Variants in CHD1 observed in about 807,000 individuals in gnomAD.
CHD1 encodes the protein ATP-dependent chromatin remodeler CHD1.
A neutral mutation model predicts 224.2 loss-of-function variants in CHD1; 36 were observed. The observed-to-expected ratio is 0.16, with a 90% CI of 0.12 to 0.21. The LOEUF (loss-of-function observed/expected upper bound fraction) is 0.21, where lower values mean the gene tolerates loss of function less well. CHD1 is among the 10% of genes least tolerant of loss of function. CHD1 has a pLI of 1.00. For missense variants in CHD1, 1,378 were observed against 1,994.8 expected (o/e 0.69, Z 5.89); for synonymous variants, 668 against 658.3 (o/e 1.01, Z -0.23).
intron 7 of CHD1, among the ~76,000 whole-genome samples, chr5:98,899,944 A>T (rs1007747461): frequency 6.6e-6 from 1 of 152,150 alleles, no homozygotes; most frequent in Non-Finnish European, 1.5e-5. Flanking sequence ...GATCCACCTG[A>T]GATCCCACAG....
intron 17 of CHD1, among the ~76,000 whole-genome samples, chr5:98,887,607 G>T (rs897173694): frequency 6.6e-6 from 1 of 152,090 alleles, no homozygotes; most frequent in Non-Finnish European, 1.5e-5. Context: ...TGAATAGATG[G>T]AAGGGAATTT....
rs1205508670 is a variant in CHD1 at position 98,858,233 on chromosome 5, A to G, written c.4734T>C (p.Ser1578=). 1 of 1,613,300 alleles carries G rather than the reference A, an allele frequency of 6.2e-7. No homozygotes were observed. Residue 1578 remains serine, a synonymous_variant, in exon 35 of 36, where the codon TCT becomes TCC. Transcript: ENST00000614616. ...KSDSRKRPYS[S]FSNGKDHRDW... ...CACGATGGTCTTTACCATTACTAAA[A>G]GAAGAATAGGGTCTTTTCCTGGAAT...
chr5:98,887,977 G>C (rs1163198801), intron 17 of CHD1, 111 bp downstream of exon 17: 1 of 606,058 alleles, frequency 1.7e-6, no homozygotes, highest in Non-Finnish European at 2.5e-6. Flanking sequence ...TAAAGAAAAA[G>C]TACAGTTTAT....
intron 2 of CHD1, among the ~76,000 whole-genome samples, chr5:98,923,909 T>C (rs73153598): frequency 0.016 from 2,486 of 152,326 alleles, 73 homozygotes; most frequent in African/African-American, 0.057. Context: ...GTTTGGTTCC[T>C]TTGTTTCCTC....
intron 2 of CHD1, among the ~76,000 whole-genome samples, chr5:98,914,806 T>C (rs1752635601): frequency 2.6e-5 from 4 of 152,238 alleles, no homozygotes; most frequent in Admixed American, 1.3e-4. Flanking sequence ...CACAGATCAT[T>C]GCCCTAGCTC....
intron 2 of CHD1, among the ~76,000 whole-genome samples, chr5:98,916,212 G>A (rs1033192030): frequency 2.6e-5 from 4 of 151,640 alleles, no homozygotes; most frequent in Admixed American, 6.6e-5. Context: ...ATAAATAAAA[G>A]TTCAATTTTA....
intron 2 of CHD1, among the ~76,000 whole-genome samples, chr5:98,911,007 G>A (rs1396990038): frequency 6.6e-6 from 1 of 150,772 alleles, no homozygotes; most frequent in South Asian, 2.1e-4. Context: ...CTAGCACCTA[G>A]ATCCTGACTT....
At chr5:98,860,882 C>T (rs571718087) in intron 32 of CHD1, among the ~76,000 whole-genome samples, 1 of 152,264 alleles carries the variant, frequency 6.6e-6, no homozygotes, top group Non-Finnish European at 1.5e-5. Flanking sequence ...GAAAATTCAT[C>T]TAGCCTTTAT....
intron 26 of CHD1, among the ~76,000 whole-genome samples, chr5:98,873,173 CA>C (rs1254112789): frequency 6.6e-6 from 1 of 152,004 alleles, no homozygotes. Flanking sequence ...GGTAAATGAA[CA>C]GCAAAATAAG....
At chr5:98,868,836 T>C in intron 30 of CHD1, 1 of 615,566 alleles carries the variant, frequency 1.6e-6, no homozygotes, top group Non-Finnish European at 2.5e-6. Flanking sequence ...AATGTTACTC[T>C]GAAGGTAAAG....
In CHD1 at chr5:98,881,072, C is replaced by G; in HGVS notation, c.3060+4G>C. 1.3e-6 allele frequency: 2 copies of G among 1,587,352 alleles called. No homozygotes were observed. The highest frequency in any genetic ancestry group is 1.7e-6 in the Non-Finnish European group (2 of 1,159,466). On this transcript the variant is annotated splice_donor_region_variant and intron_variant, in intron 22 of 35. Coordinates refer to ENST00000614616, the MANE Select transcript of CHD1 (RefSeq NM_001270.4). ...ATTACAAGGAAAATTTTGTTTAAAT[C>G]TACCTTGAACTGGGAAAGCAATTCA...
intron 2 of CHD1, 150 bp downstream of exon 2, chr5:98,926,184 G>T: frequency 2.0e-6 from 1 of 503,054 alleles, no homozygotes; most frequent in Non-Finnish European, 3.5e-6. Context: ...TCGTATATCA[G>T]AATTTTTTTA....
chr5:98,879,443 C>T, intron 23 of CHD1, 109 bp downstream of exon 23: 1 of 861,036 alleles, frequency 1.2e-6, no homozygotes, highest in Non-Finnish European at 1.7e-6. Flanking sequence ...CAAATCAAGG[C>T]CATTACAAGA....
chr5:98,869,395 A>G (rs778039046), intron 30 of CHD1: 16 of 342,024 alleles, frequency 4.7e-5, no homozygotes, highest in Non-Finnish European at 6.0e-5. Context: ...GAATCCCCCT[A>G]ATAATGATAC....
intron 2 of CHD1, among the ~76,000 whole-genome samples, chr5:98,913,343 A>AT (rs1752542282): frequency 6.6e-6 from 1 of 152,136 alleles, no homozygotes; most frequent in Non-Finnish European, 1.5e-5. Context: ...GGGAGGTGGC[A>AT]TATGCCTTCA....
At chr5:98,926,216 A>G in intron 2 of CHD1, 118 bp downstream of exon 2, 2 of 617,472 alleles carry the variant, frequency 3.2e-6, no homozygotes, top group South Asian at 4.4e-5. Context: ...GCTAAGAGGA[A>G]AACCTGAAAA....
At chr5:98,918,776 A>C (rs758071165) in intron 2 of CHD1, among the ~76,000 whole-genome samples, 1 of 151,740 alleles carries the variant, frequency 6.6e-6, no homozygotes. Flanking sequence ...AAACAAAAAA[A>C]AAAACTTCCT....
At position 98,855,694 on chromosome 5, in the gene CHD1, T is replaced by A. The variant is rs1433759930; in HGVS notation, c.*686A>T. 1 of 149,712 alleles carries A rather than the reference T, an allele frequency of 6.7e-6. No individual in the cohort carries two copies. The highest frequency in any genetic ancestry group is 2.5e-5 in the African/African-American group (1 of 40,582). 9.3% of individuals were successfully genotyped at this position (149,712 alleles called of 1,614,324 possible). A position where few individuals can be genotyped will look rare whatever the true frequency, so the allele number is the denominator to read the frequency against. ...TTTTTTTTTTTTTAATAAGAAGGCCTGAGTTGGTAGGGAAAGGAACAGTCA... is the reference window on the plus strand; with the variant it reads ...TTTTTTTTTTTTTAATAAGAAGGCCAGAGTTGGTAGGGAAAGGAACAGTCA... On this transcript the variant is annotated 3_prime_UTR_variant, in exon 36 of 36. Coordinates refer to ENST00000614616, the MANE Select transcript of CHD1 (RefSeq NM_001270.4).
At chr5:98,896,502 T>C (rs1751351448) in intron 11 of CHD1, 60 bp from the exon 12 acceptor site, 3 of 1,141,112 alleles carry the variant, frequency 2.6e-6, no homozygotes, top group Non-Finnish European at 3.9e-6. Flanking sequence ...AAGAAACCTT[T>C]TTACATCATG....
Sources: gnomAD v4.1 joint callset for allele counts (sites outside exome capture counted in the v4.1 genomes callset) on GRCh38, gnomAD v4.1.1 for gene constraint, MANE v1.5 for transcripts, NCBI Gene and HGNC (gene_info 2026-07-23, HGNC 2026-07-21) for gene names.